Variants in PIK3C2B observed in about 807,000 individuals in gnomAD.
The protein encoded by PIK3C2B is phosphatidylinositol 4-phosphate 3-kinase C2 domain-containing subunit beta.
In PIK3C2B, 83 loss-of-function variants were observed where a neutral mutation model predicts 184.3. The observed-to-expected ratio is 0.45, with a 90% CI of 0.38 to 0.54. PIK3C2B has a LOEUF of 0.54. Among genes scored for constraint, PIK3C2B ranks in the 20% least tolerant of loss-of-function variants. PIK3C2B has a pLI of 0.00. For synonymous variants in PIK3C2B, 779 were observed against 837.6 expected (o/e 0.93, Z 1.21); for missense variants, 1,736 against 2,113.5 (o/e 0.82, Z 3.50).
intron 8 of PIK3C2B, 31 bp downstream of exon 8, chr1:204,459,847 C>T: frequency 6.3e-7 from 1 of 1,592,398 alleles, no homozygotes; most frequent in Non-Finnish European, 8.6e-7. Context: ...AGCTTTCGGG[C>T]AGCAGGGCCA....
At chr1:204,486,260 T>A (rs1383969283) in intron 1 of PIK3C2B, among the ~76,000 whole-genome samples, 1 of 151,418 alleles carries the variant, frequency 6.6e-6, no homozygotes, top group Admixed American at 6.6e-5. Context: ...CTGGGCATGG[T>A]GATGCGCGCC....
Position 204,433,784 on chromosome 1 carries a change from G to A in PIK3C2B, c.3843+9C>T. 2 of 1,612,170 alleles carry A rather than the reference G, an allele frequency of 1.2e-6. No homozygotes were observed. On this transcript the variant is annotated intron_variant, in intron 25 of 32. Coordinates refer to ENST00000684373, the MANE Select transcript of PIK3C2B (RefSeq NM_001377334.1). The surrounding 1 kb of genome is among the most constrained non-coding windows in gnomAD (Gnocchi z 5.0). The stretch of plus-strand genomic sequence containing the variant: ...AAGAAGGTATTCGGAAAGGGATGGA[G>A]CTCCTCACCAGGCCCAGAAGGTTGA...
rs1572409850 is a variant in PIK3C2B, at chr1:204,488,407, T to C, written c.-85+5949A>G. On this transcript the variant is annotated intron_variant, in intron 1 of 32. Transcript: ENST00000684373. ...CATTCAACTAGAGAATCTCTCCAAGTAATTCCCTATCTATCAGTATAGAAT... is the reference window on the plus strand; with the variant it reads ...CATTCAACTAGAGAATCTCTCCAAGCAATTCCCTATCTATCAGTATAGAAT... 3.9e-5 allele frequency among the ~76,000 whole-genome samples: 6 copies of C among 152,356 alleles called. No individual in the cohort carries two copies. The Middle Eastern group carries it at 0.02, about 518-fold the overall frequency.
Position 204,426,604 on chromosome 1 carries a change from A to G in PIK3C2B, c.4588-863T>C, listed in dbSNP as rs146043224. ...AGCTCTTACTACCATCTTCTATGCC[A>G]TATATTTTACTTATCTGCCTGTGTG... On this transcript the variant is annotated intron_variant, in intron 31 of 32. Transcript: ENST00000684373. 2.3e-3 allele frequency among the ~76,000 whole-genome samples: 346 copies of G among 152,242 alleles called. 4 individuals are homozygous for G. Among genetic ancestry groups the G allele is most frequent in the African/African-American group, 8.1e-3 (335 of 41,538 alleles).
intron 19 of PIK3C2B, 98 bp from the exon 20 acceptor site, chr1:204,442,731 G>T (rs1211651077): frequency 9.3e-6 from 7 of 753,934 alleles, no homozygotes; most frequent in African/African-American, 1.7e-5. Context: ...TAGTCGGTAT[G>T]AAAACCACCC....
At position 204,440,305 on chromosome 1, in the gene PIK3C2B, C is replaced by T. The variant is rs1377251877; in HGVS notation, c.3266G>A (p.Arg1089His). The T allele has an allele frequency of 1.9e-6, 3 of 1,599,200 alleles. No individual in the cohort carries two copies. Among genetic ancestry groups the T allele is most frequent in the Middle Eastern group, 1.7e-4 (1 of 6,004 alleles). The change falls in exon 22 of 33, where the codon CGC becomes CAC. Residue 1089 changes from arginine to histidine, a missense_variant. Arg to His is a conservative substitution (Grantham distance 29). This residue lies in a region of PIK3C2B where 289 missense variants were observed against 380.4 expected (regional missense o/e 0.76). Coordinates refer to ENST00000684373, the MANE Select transcript of PIK3C2B (RefSeq NM_001377334.1). The stretch of plus-strand genomic sequence containing the variant: ...CATCTGCAGCGTTAGCATGTCCTGG[C>T]GAAGGTCGTCCCCACACTGGATGGA... ...RVIFKCGDDL[R>H]QDMLTLQMIR... is the part of the protein sequence containing the mutation.
chr1:204,464,258 G>A, intron 4 of PIK3C2B, 126 bp from the exon 5 acceptor site: 2 of 1,244,310 alleles, frequency 1.6e-6, no homozygotes, highest in Non-Finnish European at 2.3e-6. Flanking sequence ...AGATAAAGCA[G>A]GCAAGTAGTT....
At chr1:204,466,519 G>A (rs1655809859) in intron 2 of PIK3C2B, among the ~76,000 whole-genome samples, 1 of 152,118 alleles carries the variant, frequency 6.6e-6, no homozygotes, top group African/African-American at 2.4e-5. Flanking sequence ...GGCAGCAGTG[G>A]GGACAGTTGG....
Position 204,427,636 on chromosome 1 carries a change from G to T in PIK3C2B, c.4587+12C>A. On this transcript the variant is annotated intron_variant, in intron 31 of 32. Coordinates refer to ENST00000684373, the MANE Select transcript of PIK3C2B (RefSeq NM_001377334.1). ...AAAAAAGAAAAAAAATCACGGCTGT[G>T]CAGGCACTTACCAAGCCCCGAATAT... 1.9e-6 allele frequency: 3 copies of T among 1,560,990 alleles called. No individual in the cohort carries two copies. Among genetic ancestry groups the T allele is most frequent in the Non-Finnish European group, 2.7e-6 (3 of 1,131,782 alleles).
At chr1:204,426,575 C>G (rs1478944860) in intron 31 of PIK3C2B, among the ~76,000 whole-genome samples, 1 of 152,234 alleles carries the variant, frequency 6.6e-6, no homozygotes, top group Non-Finnish European at 1.5e-5. Flanking sequence ...TTATTTCTTG[C>G]CATAGCTCTT....
At chr1:204,467,214 A>C in intron 2 of PIK3C2B, 1 of 282,818 alleles carries the variant, frequency 3.5e-6, no homozygotes, top group Non-Finnish European at 7.0e-6. Context: ...GGGTGCCCTG[A>C]CTCAGTGAGC....
chr1:204,431,393 G>A (rs1675046280), intron 28 of PIK3C2B: 1 of 495,600 alleles, frequency 2.0e-6, no homozygotes, highest in African/African-American at 1.9e-5. Context: ...TTGAAAAATG[G>A]TGTAACTCTT....
rs1351906393 is a variant in PIK3C2B at position 204,469,006 on chromosome 1, C to T, written c.797G>A (p.Ser266Asn). 6 of 1,614,116 alleles carry T rather than the reference C, an allele frequency of 3.7e-6. No homozygotes were observed. Among genetic ancestry groups the T allele is most frequent in the South Asian group, 1.1e-5 (1 of 91,094 alleles). ...CACGGGTTTTCCAGAGGTGTCTTTG[C>T]TGAAGTCCAGCGGCCCTCGGCCCTC... ...WKEGRGPLDF[S>N]KDTSGKPVAR... is the part of the protein sequence containing the mutation. Residue 266 changes from serine to asparagine, a missense_variant, in exon 2 of 33, where the codon AGC becomes AAC. By Grantham distance (46) the Ser-to-Asn change is conservative (BLOSUM62 1). Around this residue, in one of 8 missense-constraint regions of PIK3C2B, gnomAD observed 404 missense variants for 418.0 expected, o/e 0.97. Transcript: ENST00000684373.
intron 15 of PIK3C2B, among the ~76,000 whole-genome samples, chr1:204,446,601 G>C (rs1653892254): frequency 6.6e-6 from 1 of 152,032 alleles, no homozygotes; most frequent in African/African-American, 2.4e-5. Context: ...CTGTGCTGCT[G>C]AGAGGCCTCC....
chr1:204,485,977 C>T (rs1322889729), intron 1 of PIK3C2B, among the ~76,000 whole-genome samples: 1 of 152,170 alleles, frequency 6.6e-6, no homozygotes, highest in Non-Finnish European at 1.5e-5. Flanking sequence ...TTGTAATGTG[C>T]TCTACTGCAT....
rs1487773677 is a variant in PIK3C2B at position 204,425,730 on chromosome 1, C to T, written c.4599G>A (p.Gln1533=). Residue 1533 remains glutamine (Q), a synonymous_variant, in exon 32 of 33, where the codon CAG becomes CAA. Transcript: ENST00000684373. ...CATAGGGGTCAGGGTCATTTCCATC[C>T]TGGAGCAGTTGCTACAATAGAATGA... ...VMHIRGLQLL[Q]DGNDPDPYVK... is the part of the protein sequence containing the mutation. The T allele has an allele frequency of 6.2e-7, 1 of 1,613,528 alleles. No homozygotes were observed. Among genetic ancestry groups the T allele is most frequent in the African/African-American group, 1.3e-5 (1 of 74,676 alleles).
chr1:204,437,226 G>A (rs935456935), intron 23 of PIK3C2B, among the ~76,000 whole-genome samples: 1 of 152,074 alleles, frequency 6.6e-6, no homozygotes, highest in Non-Finnish European at 1.5e-5. Flanking sequence ...TGGGCACTGT[G>A]GCTCATGCCT....
chr1:204,469,786 C>T lies in PIK3C2B; in HGVS notation c.17G>A (p.Gly6Asp). ...CAGGGACTTCCAGTGTTCCCCATTG[C>T]CCTGAGTCGAAGACATGGTGAGGAT... MSSTQ[G>D]NGEHWKSLES... The change falls in exon 2 of 33, where the codon GGC (glycine) becomes GAC (aspartate). Residue 6 changes from glycine to aspartate, a missense_variant. Gly to Asp is a moderately conservative substitution (Grantham distance 94, BLOSUM62 -1). Transcript: ENST00000684373. 6.2e-7 allele frequency: 1 copy of T among 1,613,306 alleles called. No individual in the cohort carries two copies. Among genetic ancestry groups the T allele is most frequent in the South Asian group, 1.1e-5 (1 of 91,064 alleles).
At chr1:204,428,358 T>A in intron 29 of PIK3C2B, 138 bp from the exon 30 acceptor site, 2 of 607,734 alleles carry the variant, frequency 3.3e-6, no homozygotes. Flanking sequence ...GGATTATAGC[T>A]CTAACAAGCC....
Sources: gnomAD v4.1 joint callset for allele counts (sites outside exome capture counted in the v4.1 genomes callset) on GRCh38, gnomAD v4.1.1 for gene constraint, gnomAD v4.1.1 regional missense constraint, Gnocchi (gnomAD v3.1) non-coding constraint, MANE v1.5 for transcripts, NCBI Gene and HGNC (gene_info 2026-07-23, HGNC 2026-07-21) for gene names.